The following INTS8 variants were observed in gnomAD, a reference collection of about 807,000 sequenced individuals.
INTS8 encodes protein kaonashi-1.
A neutral mutation model predicts 138.9 loss-of-function variants in INTS8; 47 were observed. That is an observed-to-expected ratio of 0.34 (90% CI 0.27 to 0.43). The LOEUF (loss-of-function observed/expected upper bound fraction) is 0.43, where lower values mean the gene tolerates loss of function less well. INTS8 is among the 20% of genes least tolerant of loss of function. The pLI, the probability that INTS8 is intolerant of heterozygous loss-of-function variation, is 1.00. For synonymous variants in INTS8, 392 were observed against 400.9 expected (o/e 0.98, Z 0.27); for missense variants, 996 against 1,173.0 (o/e 0.85, Z 2.20).
At chr8:94,852,601 T>A (rs994604850) in intron 13 of INTS8, among the ~76,000 whole-genome samples, 6 of 152,030 alleles carry the variant, frequency 3.9e-5, no homozygotes, top group Non-Finnish European at 8.8e-5. Context: ...TTGTTTTTTT[T>A]TTTTGAGACT....
rs1488699500 is a variant in INTS8 at position 94,872,092 on chromosome 8, TAA to T, written c.2533+91_2533+92del. ...ATATAACCTATTTTATTTCAATACT[TAA>T]GTTTTGTTGAGATTTACTTGTCTTT... is the stretch of plus-strand genomic sequence containing the variant. On this transcript the variant is annotated intron_variant, in intron 21 of 26. Transcript: ENST00000523731. The T allele has an allele frequency of 1.1e-5, 7 of 642,674 alleles. No homozygotes were observed. The Admixed American group carries it at 1.6e-4, about 15-fold the overall frequency. The allele number at this position is 642,674 out of a possible 1,614,324, so 39.8% of individuals were successfully genotyped here.
intron 7 of INTS8, 75 bp downstream of exon 7, chr8:94,836,706 CTGA>C: frequency 1.1e-6 from 1 of 882,420 alleles, no homozygotes; most frequent in Non-Finnish European, 1.8e-6. Flanking sequence ...TTTGATTTTT[CTGA>C]TGATAAAAAC....
At chr8:94,856,486 C>T (rs1815749967) in intron 14 of INTS8, among the ~76,000 whole-genome samples, 1 of 152,140 alleles carries the variant, frequency 6.6e-6, no homozygotes, top group South Asian at 2.1e-4. Context: ...ATAGAATTTA[C>T]ACCTGTGTAA....
At chr8:94,863,503 G>A (rs1206648435) in intron 16 of INTS8, among the ~76,000 whole-genome samples, 1 of 152,200 alleles carries the variant, frequency 6.6e-6, no homozygotes, top group East Asian at 1.9e-4. Context: ...TGCTACTGTT[G>A]TACTGTTGAC....
At chr8:94,842,616 T>C (rs995338896) in intron 10 of INTS8, 128 bp downstream of exon 10, 2 of 671,856 alleles carry the variant, frequency 3.0e-6, no homozygotes, top group African/African-American at 1.8e-5. Flanking sequence ...CAATTGGCAC[T>C]TTTGACAGAC....
intron 26 of INTS8, among the ~76,000 whole-genome samples, chr8:94,877,149 G>A (rs987559296): frequency 6.6e-6 from 1 of 152,152 alleles, no homozygotes; most frequent in Non-Finnish European, 1.5e-5. Context: ...CATATTAGGT[G>A]CCCCAGAATC....
chr8:94,837,146 G>C (rs1211378562), intron 7 of INTS8, among the ~76,000 whole-genome samples: 1 of 152,196 alleles, frequency 6.6e-6, no homozygotes, highest in East Asian at 1.9e-4. Context: ...TTCTCACAGA[G>C]CACTTCAGTT....
chr8:94,862,018 G>A (rs1816007378), intron 16 of INTS8, among the ~76,000 whole-genome samples: 1 of 151,694 alleles, frequency 6.6e-6, no homozygotes, highest in Admixed American at 6.6e-5. Context: ...TCGGCTCATT[G>A]CAACCTCTAC....
At position 94,849,943 on chromosome 8, in the gene INTS8, G is replaced by A. The variant is rs1197896294; in HGVS notation, c.1359G>A (p.Leu453=). The change falls in exon 12 of 27, where the codon CTG becomes CTA. Residue 453 remains leucine, a synonymous_variant. Coordinates refer to ENST00000523731, the MANE Select transcript of INTS8 (RefSeq NM_017864.4). ...LKNVCLGLED[L]QYVFMISSHE... is the part of the protein sequence containing the mutation. ...ATGTGTGTCTGGGGTTGGAAGATCT[G>A]CAGTATGTTTTCATGATTTCTTCAC... 6.2e-7 allele frequency: 1 copy of A among 1,612,462 alleles called. No homozygotes were observed. Among genetic ancestry groups the A allele is most frequent in the Admixed American group, 1.7e-5 (1 of 59,840 alleles).
chr8:94,879,480 A>G (rs1816705950), intron 26 of INTS8, among the ~76,000 whole-genome samples: 1 of 151,952 alleles, frequency 6.6e-6, no homozygotes, highest in Non-Finnish European at 1.5e-5. Context: ...CTGTAATCCC[A>G]GCTACTTGGG....
rs903823379 is a variant in INTS8 at position 94,859,775 on chromosome 8, A to C, written c.2076+143A>C. 2.0e-4 allele frequency: 75 copies of C among 374,344 alleles called. No individual in the cohort carries two copies. In the African/African-American group the frequency reaches 5.3e-3, roughly 26 times the overall value. The allele number at this position is 374,344 out of a possible 1,614,324, so 23.2% of individuals were successfully genotyped here. A position where few individuals can be genotyped will look rare whatever the true frequency, so the allele number is the denominator to read the frequency against. On this transcript the variant is annotated intron_variant, in intron 16 of 26. Transcript: ENST00000523731. ...TTGTTGATTTGTAGTTAAAGGATAGAGTTTTTGATAATTCATGCACTTGAC... is the reference window on the plus strand; with the variant it reads ...TTGTTGATTTGTAGTTAAAGGATAGCGTTTTTGATAATTCATGCACTTGAC...
chr8:94,825,719 A>G (rs1043763485), intron 2 of INTS8, among the ~76,000 whole-genome samples: 2 of 152,166 alleles, frequency 1.3e-5, no homozygotes, highest in African/African-American at 2.4e-5. Flanking sequence ...AATAATTTCA[A>G]GCCTTTTATT....
At chr8:94,866,245 G>C in intron 18 of INTS8, 54 bp downstream of exon 18, 1 of 921,524 alleles carries the variant, frequency 1.1e-6, no homozygotes, top group Admixed American at 2.0e-5. Flanking sequence ...TGTAGAATAT[G>C]ACTAAAAATT....
At chr8:94,862,309 C>T (rs891062197) in intron 16 of INTS8, among the ~76,000 whole-genome samples, 1 of 152,154 alleles carries the variant, frequency 6.6e-6, no homozygotes, top group Non-Finnish European at 1.5e-5. Context: ...GCACTTGTCT[C>T]ATTATGGACA....
intron 4 of INTS8, among the ~76,000 whole-genome samples, chr8:94,828,588 A>G (rs1050874172): frequency 6.6e-6 from 1 of 152,144 alleles, no homozygotes; most frequent in African/African-American, 2.4e-5. Context: ...TTCTAACTTG[A>G]TACAAATGAG....
At chr8:94,860,837 C>T (rs912537069) in intron 16 of INTS8, among the ~76,000 whole-genome samples, 36 of 151,814 alleles carry the variant, frequency 2.4e-4, no homozygotes, top group Non-Finnish European at 4.9e-4. Context: ...GGGCAGATCA[C>T]GAGGTCAGGA....
In INTS8 at chr8:94,849,795, T is replaced by C. The variant is rs986091137; in HGVS notation, c.1332-121T>C. 6.1e-5 allele frequency: 42 copies of C among 688,554 alleles called. 1 individual carries two copies. The South Asian group carries it at 9.4e-4, about 15-fold the overall frequency. 42.7% of individuals were successfully genotyped at this position (688,554 alleles called of 1,614,324 possible). On this transcript the variant is annotated intron_variant, in intron 11 of 26. Coordinates refer to ENST00000523731, the MANE Select transcript of INTS8 (RefSeq NM_017864.4). ...AAATTTTAAAATCTATTTTAAAATA[T>C]CATTATACAGTTTATGTAATGGTGG...
At chr8:94,877,738 C>T (rs1181160611) in intron 26 of INTS8, among the ~76,000 whole-genome samples, 1 of 152,168 alleles carries the variant, frequency 6.6e-6, no homozygotes, top group Non-Finnish European at 1.5e-5. Flanking sequence ...CCATGTCTTA[C>T]TGTCAGGCAC....
chr8:94,843,903 A>T (rs1563650734), intron 10 of INTS8, among the ~76,000 whole-genome samples: 2 of 152,246 alleles, frequency 1.3e-5, no homozygotes, highest in East Asian at 3.9e-4. Context: ...GTGGTTGTAT[A>T]ACAGTACCTC....
Sources: gnomAD v4.1 joint callset for allele counts (sites outside exome capture counted in the v4.1 genomes callset) on GRCh38, gnomAD v4.1.1 for gene constraint, MANE v1.5 for transcripts, NCBI Gene and HGNC (gene_info 2026-07-23, HGNC 2026-07-21) for gene names.